Variants in RNF216 observed in about 807,000 individuals in gnomAD.
The protein encoded by RNF216 is E3 ubiquitin-protein ligase RNF216.
In RNF216, 72 loss-of-function variants were observed where a neutral mutation model predicts 110.8. The observed-to-expected ratio is 0.65, with a 90% confidence interval of 0.54 to 0.79. The LOEUF is 0.79. Among genes scored for constraint, RNF216 ranks in the 30% least tolerant of loss-of-function variants. RNF216 has a pLI of 0.00. For missense variants in RNF216, 1,342 were observed against 1,141.2 expected (o/e 1.18, Z -2.54); for synonymous variants, 495 against 407.5 (o/e 1.21, Z -2.59).
At position 5,690,327 on chromosome 7, in the gene RNF216, CA is replaced by C. The variant is rs200036930; in HGVS notation, c.2061+21433del. 8.5e-3 allele frequency among the ~76,000 whole-genome samples: 856 copies of C among 100,238 alleles called. 1 individual carries two copies. Among genetic ancestry groups the C allele is most frequent in the African/African-American group, 0.012 (377 of 31,714 alleles). The allele number at this position is 100,238 out of a possible 152,430, so 65.8% of individuals were successfully genotyped here. ...GGGCAACAAGAGTGAAATTCCATCT[CA>C]AAAAAAAAAAAAAAAGATTTTAAAG... On this transcript the variant is annotated intron_variant, in intron 13 of 16. Transcript: ENST00000389902.
intron 13 of RNF216, among the ~76,000 whole-genome samples, chr7:5,707,036 T>A (rs750575891): frequency 5.3e-5 from 8 of 152,238 alleles, no homozygotes; most frequent in Non-Finnish European, 1.0e-4. Context: ...GAGACTACCT[T>A]TTCCCCCGGT....
chr7:5,684,477 T>C (rs912096783), intron 13 of RNF216, among the ~76,000 whole-genome samples: 4 of 152,188 alleles, frequency 2.6e-5, no homozygotes, highest in African/African-American at 9.7e-5. Context: ...CTCTTGGAGT[T>C]TGTCAGCCCT....
At chr7:5,729,210 T>C (rs1386476979) in intron 7 of RNF216, among the ~76,000 whole-genome samples, 1 of 152,198 alleles carries the variant, frequency 6.6e-6, no homozygotes, top group South Asian at 2.1e-4. Context: ...ACACTCCATG[T>C]TTTTACGGTC....
At chr7:5,774,722 AG>A (rs199654906) in intron 1 of RNF216, among the ~76,000 whole-genome samples, 1 of 116,786 alleles carries the variant, frequency 8.6e-6, no homozygotes, top group Non-Finnish European at 1.8e-5. Context: ...ATACAGTTCA[AG>A]GGGGGAAAAA....
intron 5 of RNF216, chr7:5,732,977 G>A (rs1432143810): frequency 6.6e-6 from 1 of 152,230 alleles, no homozygotes; most frequent in Non-Finnish European, 1.5e-5. Context: ...TACCTGCCAT[G>A]TGGTTCTCTA....
At chr7:5,627,606 G>C in intron 15 of RNF216, among the ~76,000 whole-genome samples, 1 of 152,030 alleles carries the variant, frequency 6.6e-6, no homozygotes, top group South Asian at 2.1e-4. Flanking sequence ...AATTAGCTGA[G>C]CGTGGTGGTA....
intron 13 of RNF216, among the ~76,000 whole-genome samples, chr7:5,688,363 T>A (rs1317340040): frequency 1.3e-5 from 2 of 152,198 alleles, no homozygotes; most frequent in African/African-American, 4.8e-5. Flanking sequence ...ACAAACCGCA[T>A]GTCAAAGGAA....
intron 7 of RNF216, 144 bp from the exon 8 acceptor site, chr7:5,725,582 G>C (rs1793701247): frequency 1.6e-6 from 1 of 620,624 alleles, no homozygotes; most frequent in Middle Eastern, 2.5e-4. Context: ...TGGGTGCGGT[G>C]GCTGACGCCT....
At chr7:5,676,169 C>T (rs1162309474) in intron 13 of RNF216, among the ~76,000 whole-genome samples, 1 of 151,644 alleles carries the variant, frequency 6.6e-6, no homozygotes, top group East Asian at 1.9e-4. Flanking sequence ...GCCACCAGGC[C>T]CGGCTAATTT....
intron 13 of RNF216, among the ~76,000 whole-genome samples, chr7:5,653,503 A>G (rs1788526087): frequency 6.6e-6 from 1 of 150,692 alleles, no homozygotes; most frequent in African/African-American, 2.4e-5. Flanking sequence ...CAGGAGGCTG[A>G]AGCAGGAGAA....
At chr7:5,640,222 C>A (rs852471) in intron 15 of RNF216, among the ~76,000 whole-genome samples, 8,239 of 152,156 alleles carry the variant, frequency 0.054, 260 homozygotes, top group African/African-American at 0.085. Flanking sequence ...TTCATGTATC[C>A]CTAATCTTTG....
At chr7:5,718,403 G>A (rs901855132) in intron 9 of RNF216, among the ~76,000 whole-genome samples, 13 of 152,160 alleles carry the variant, frequency 8.5e-5, no homozygotes, top group African/African-American at 3.1e-4. Flanking sequence ...AACAAAATGC[G>A]AGAAAGGGAC....
chr7:5,632,651 C>T (rs902014380), intron 15 of RNF216, among the ~76,000 whole-genome samples: 3 of 152,116 alleles, frequency 2.0e-5, no homozygotes, highest in Non-Finnish European at 2.9e-5. Flanking sequence ...GTGGTGGGTG[C>T]CTGTAATTCC....
chr7:5,777,401 T>C (rs1321262558), intron 1 of RNF216: 3 of 152,230 alleles, frequency 2.0e-5, no homozygotes, highest in Non-Finnish European at 4.4e-5. Flanking sequence ...CAATGACAGC[T>C]GTGCTTTAGA....
intron 8 of RNF216, among the ~76,000 whole-genome samples, chr7:5,723,615 C>A (rs1273156274): frequency 1.3e-5 from 2 of 151,728 alleles, no homozygotes; most frequent in Non-Finnish European, 2.9e-5. Context: ...CCACTGCACT[C>A]CAGCCTGGGC....
chr7:5,719,073 CT>C (rs1383269342), intron 9 of RNF216, among the ~76,000 whole-genome samples: 1 of 151,922 alleles, frequency 6.6e-6, no homozygotes, highest in African/African-American at 2.4e-5. Flanking sequence ...AGAACCAAGA[CT>C]TTTAGCATCA....
intron 3 of RNF216, 62 bp downstream of exon 3, chr7:5,752,784 G>A: frequency 6.4e-7 from 1 of 1,568,356 alleles, no homozygotes; most frequent in East Asian, 2.3e-5. Flanking sequence ...CCACAAGAGT[G>A]GCTGAAAAAT....
intron 14 of RNF216, among the ~76,000 whole-genome samples, chr7:5,648,630 A>C (rs1788192702): frequency 6.6e-6 from 1 of 151,408 alleles, no homozygotes; most frequent in Non-Finnish European, 1.5e-5. Context: ...CGGGAGGCTG[A>C]GGCAGGAGAA....
chr7:5,744,916 G>C (rs970638320), intron 3 of RNF216, among the ~76,000 whole-genome samples: 5 of 151,610 alleles, frequency 3.3e-5, no homozygotes, highest in African/African-American at 1.2e-4. Context: ...AGGTTGCAGT[G>C]AGCCAAGATC....
Sources: allele counts gnomAD v4.1 joint callset (sites outside exome capture counted in the v4.1 genomes callset), GRCh38; gene constraint gnomAD v4.1.1; transcripts MANE v1.5; gene names NCBI Gene and HGNC (gene_info 2026-07-23, HGNC 2026-07-21).